GLI3: variants seen among roughly 807,000 people sequenced by gnomAD.
GLI3 encodes the protein GLI family zinc finger 3, also known as transcription activator GLI3.
In GLI3, 20 loss-of-function variants were observed where a neutral mutation model predicts 100.8. The observed-to-expected ratio is 0.20, with a 90% CI of 0.14 to 0.29. The LOEUF (loss-of-function observed/expected upper bound fraction) is 0.29. Ranked by LOEUF, GLI3 falls within the 10% of genes least tolerant of loss-of-function variation. The pLI, the probability that GLI3 is intolerant of heterozygous loss-of-function variation, is 1.00. For synonymous variants in GLI3, 938 were observed against 860.5 expected, an observed-to-expected ratio of 1.09 and a Z score of -1.58; for missense variants, 2,040 against 2,128.5, an observed-to-expected ratio of 0.96 and a Z score of 0.82.
chr7:42,226,406 G>A (rs1194891813), intron 1 of GLI3, among the ~76,000 whole-genome samples: 3 of 152,122 alleles, frequency 2.0e-5, no homozygotes, highest in Non-Finnish European at 4.4e-5. Flanking sequence ...CCAAGGCAAA[G>A]GACTTTATTT....
intron 4 of GLI3, among the ~76,000 whole-genome samples, chr7:42,055,112 T>TGC (rs1784432210): frequency 7.5e-6 from 1 of 133,350 alleles, no homozygotes. Context: ...TATGTATATA[T>TGC]ACACATATAT....
At chr7:42,118,943 C>T (rs1785926952) in intron 3 of GLI3, among the ~76,000 whole-genome samples, 1 of 152,172 alleles carries the variant, frequency 6.6e-6, no homozygotes, top group Non-Finnish European at 1.5e-5. Flanking sequence ...GGGAAGAACA[C>T]CATTTGGGTG....
In GLI3 at chr7:42,166,068, T is replaced by G. The variant is rs560012144; in HGVS notation, c.125-17600A>C. Reference sequence around the variant, plus strand: ...TCACAAACCTTGCATGAAGCCCAGGTGTCTGCAAGACCAACTCCAAACTGC... The same window carrying G: ...TCACAAACCTTGCATGAAGCCCAGGGGTCTGCAAGACCAACTCCAAACTGC... On this transcript the variant is annotated intron_variant, in intron 2 of 14. Transcript: ENST00000395925. Among the ~76,000 whole-genome samples the G allele has an allele frequency of 2.0e-5, 3 of 152,276 alleles. No individual in the cohort carries two copies. In the South Asian group the frequency reaches 6.2e-4, roughly 32 times the overall value.
intron 10 of GLI3, among the ~76,000 whole-genome samples, chr7:41,999,757 C>A (rs1476345443): frequency 6.6e-6 from 1 of 152,156 alleles, no homozygotes; most frequent in African/African-American, 2.4e-5. Flanking sequence ...CCTTTAAATC[C>A]CACACTTTTT....
chr7:42,085,658 AAACGTGATCCCTGCCAGGGCAG>A (rs1785088198), intron 3 of GLI3, among the ~76,000 whole-genome samples: 1 of 152,176 alleles, frequency 6.6e-6, no homozygotes, highest in African/African-American at 2.4e-5. Flanking sequence ...TTGGCACTTC[AAACGTGATCCCTGCCAGGGCAG>A]GGAAACCCAG....
intron 4 of GLI3, among the ~76,000 whole-genome samples, chr7:42,067,803 G>T (rs1248825858): frequency 6.6e-6 from 1 of 152,112 alleles, no homozygotes; most frequent in Non-Finnish European, 1.5e-5. Context: ...TGTCTTCAAG[G>T]GCAACTGTAC....
At chr7:42,057,385 G>T (rs531646925) in intron 4 of GLI3, among the ~76,000 whole-genome samples, 1 of 152,314 alleles carries the variant, frequency 6.6e-6, no homozygotes, top group East Asian at 1.9e-4. Context: ...CTCTCAATAT[G>T]AGCGCAAGCT....
At chr7:42,259,747 T>C (rs1789120656) in intron 1 of GLI3, among the ~76,000 whole-genome samples, 1 of 152,206 alleles carries the variant, frequency 6.6e-6, no homozygotes, top group South Asian at 2.1e-4. Flanking sequence ...TCTCTGACAA[T>C]TAGCATTACC....
chr7:42,008,424 A>G (rs756676137), intron 10 of GLI3, among the ~76,000 whole-genome samples: 3 of 152,172 alleles, frequency 2.0e-5, no homozygotes, highest in Non-Finnish European at 4.4e-5. Context: ...TTCAACTTGC[A>G]AAACTTCTCT....
At chr7:42,003,006 T>C (rs1262854822) in intron 10 of GLI3, among the ~76,000 whole-genome samples, 2 of 152,232 alleles carry the variant, frequency 1.3e-5, no homozygotes, top group South Asian at 2.1e-4. Flanking sequence ...GAGCCTGTAT[T>C]GTTACAGGAA....
chr7:42,124,002 CT>C (rs1402730750), intron 3 of GLI3, among the ~76,000 whole-genome samples: 2 of 152,288 alleles, frequency 1.3e-5, no homozygotes, highest in Admixed American at 1.3e-4. Flanking sequence ...GGCAAGGCCC[CT>C]GATGCCCACC....
intron 3 of GLI3, among the ~76,000 whole-genome samples, chr7:42,098,292 T>C (rs1785385550): frequency 6.6e-6 from 1 of 152,158 alleles, no homozygotes; most frequent in South Asian, 2.1e-4. Context: ...TCTGTCTCTG[T>C]GTAATGTACT....
At position 41,966,672 on chromosome 7, in the gene GLI3, G is replaced by A. The variant is rs557331056; in HGVS notation, c.2432-31C>T. The A allele has an allele frequency of 7.4e-6, 12 of 1,611,874 alleles. No homozygotes were observed. In the African/African-American group the frequency reaches 1.2e-4, roughly 16 times the overall value. The stretch of plus-strand genomic sequence containing the variant: ...GACAGAGAAAGGGAGAGACCATGCG[G>A]AGATGAATTCCCTTCGAGCATGACT... On this transcript the variant is annotated intron_variant, in intron 14 of 14. Transcript: ENST00000395925. The surrounding 1 kb of genome is among the most constrained non-coding windows in gnomAD (Gnocchi z 5.8).
rs1280586415 is a variant in GLI3 at position 41,972,250 on chromosome 7, G to A, written c.2103+87C>T. ...ATCAGAGACAGCCTGACACAGTGAG[G>A]ACCGGGAAGTCCTGTCCCTCTATGC... On this transcript the variant is annotated intron_variant, in intron 13 of 14. Transcript: ENST00000395925. This position sits in a 1 kb window ranked among gnomAD's most constrained non-coding sequence, Gnocchi z 4.4. 8.3e-7 allele frequency: 1 copy of A among 1,207,386 alleles called. No individual in the cohort carries two copies. Among genetic ancestry groups the A allele is most frequent in the East Asian group, 2.3e-5 (1 of 43,082 alleles). 74.8% of individuals were successfully genotyped at this position (1,207,386 alleles called of 1,614,324 possible).
chr7:42,011,024 TA>T (rs1788598448), intron 10 of GLI3, among the ~76,000 whole-genome samples: 1 of 152,240 alleles, frequency 6.6e-6, no homozygotes, highest in African/African-American at 2.4e-5. Flanking sequence ...CATTTAGAAA[TA>T]AAATGTGGTC....
At chr7:42,199,690 A>G (rs1304898642) in intron 2 of GLI3, among the ~76,000 whole-genome samples, 1 of 152,236 alleles carries the variant, frequency 6.6e-6, no homozygotes, top group African/African-American at 2.4e-5. Context: ...GGCAGGAGCC[A>G]TGTCCTATCG....
chr7:42,068,219 C>A (rs1784714032), intron 4 of GLI3, among the ~76,000 whole-genome samples: 1 of 152,198 alleles, frequency 6.6e-6, no homozygotes, highest in African/African-American at 2.4e-5. Flanking sequence ...AAAATTGAGG[C>A]AATGTCACCA....
chr7:42,077,079 A>G (rs960915690), intron 3 of GLI3, among the ~76,000 whole-genome samples: 2 of 152,194 alleles, frequency 1.3e-5, no homozygotes, highest in African/African-American at 4.8e-5. Flanking sequence ...AGAGCCTGGG[A>G]CTGACTGCAA....
chr7:41,966,345 T>C lies in GLI3; in HGVS notation c.2728A>G (p.Ser910Gly), dbSNP rs756290493. 2 of 1,608,060 alleles carry C rather than the reference T, an allele frequency of 1.2e-6. No individual in the cohort carries two copies. Among genetic ancestry groups the C allele is most frequent in the Non-Finnish European group, 8.5e-7 (1 of 1,179,222 alleles). The change falls in exon 15 of 15, where the codon AGC becomes GGC. Residue 910 changes from serine (S) to glycine (G), a missense_variant. Around this residue, in one of 5 missense-constraint regions of GLI3, gnomAD observed 1,041 missense variants for 924.0 expected, o/e 1.13. Transcript: ENST00000395925. This position sits in a 1 kb window ranked among gnomAD's most constrained non-coding sequence, Gnocchi z 5.8. ...AGGCTGGGCAGGCCGTCGCTCTGGC[T>C]GGCTTCGCTGGAGCGGCGCGAGGCG... ...TDASRRSSEA[S>G]QSDGLPSLLS...
Sources: allele counts gnomAD v4.1 joint callset (sites outside exome capture counted in the v4.1 genomes callset), GRCh38; gene constraint gnomAD v4.1.1; regional missense constraint gnomAD v4.1.1; non-coding constraint Gnocchi (gnomAD v3.1); transcripts MANE v1.5; gene names NCBI Gene and HGNC (gene_info 2026-07-23, HGNC 2026-07-21).